CNTN3: variants seen among roughly 807,000 people sequenced by gnomAD.
CNTN3 encodes the protein contactin-3.
In CNTN3, 60 loss-of-function variants were observed where a neutral mutation model predicts 119.1. The ratio of observed to expected loss-of-function variants is 0.50; its 90% CI spans 0.41 to 0.62. The LOEUF is 0.62. CNTN3 is among the 20% of genes least tolerant of loss of function. CNTN3 has a pLI of 0.00. For missense variants in CNTN3, 1,101 were observed against 1,242.4 expected, an observed-to-expected ratio of 0.89 and a Z score of 1.71; for synonymous variants, 450 against 438.7, an observed-to-expected ratio of 1.03 and a Z score of -0.32.
At chr3:74,348,418 C>T (rs1703742413) in intron 11 of CNTN3, among the ~76,000 whole-genome samples, 1 of 152,126 alleles carries the variant, frequency 6.6e-6, no homozygotes, top group African/African-American at 2.4e-5. Flanking sequence ...TCACTGGTCA[C>T]CAGTGGAATG....
intron 4 of CNTN3, among the ~76,000 whole-genome samples, chr3:74,457,458 T>C (rs978183910): frequency 6.6e-6 from 1 of 151,990 alleles, no homozygotes; most frequent in African/African-American, 2.4e-5. Context: ...ATCTGTAGAA[T>C]AGATATTATA....
rs140158668 is a variant in CNTN3 at position 74,518,225 on chromosome 3, T to G, written c.55+2833A>C. 1.3e-4 allele frequency among the ~76,000 whole-genome samples: 20 copies of G among 152,104 alleles called. No individual in the cohort carries two copies. In the East Asian group the frequency reaches 3.7e-3, roughly 28 times the overall value. On this transcript the variant is annotated intron_variant, in intron 2 of 22. Coordinates refer to ENST00000263665, the MANE Select transcript of CNTN3 (RefSeq NM_020872.3). ...GCGGAGTAATCAATGATCAAGGTTATAAGAACAAAATACACCAACAGTGTC... is the reference window on the plus strand; with the variant it reads ...GCGGAGTAATCAATGATCAAGGTTAGAAGAACAAAATACACCAACAGTGTC...
chr3:74,381,549 G>A (rs1265321541), intron 5 of CNTN3, among the ~76,000 whole-genome samples: 1 of 152,064 alleles, frequency 6.6e-6, no homozygotes, highest in Admixed American at 6.6e-5. Context: ...TAGTTTTATA[G>A]GCTTTGAGAA....
intron 5 of CNTN3, among the ~76,000 whole-genome samples, chr3:74,423,483 G>T (rs1449121656): frequency 6.6e-6 from 1 of 152,152 alleles, no homozygotes; most frequent in Non-Finnish European, 1.5e-5. Context: ...AGTGAGAGCT[G>T]GAGGCCATCC....
intron 4 of CNTN3, among the ~76,000 whole-genome samples, chr3:74,465,583 T>C (rs1309544487): frequency 6.6e-6 from 1 of 152,212 alleles, no homozygotes; most frequent in Non-Finnish European, 1.5e-5. Context: ...TTCTTATATC[T>C]ATCCAGAAGT....
At chr3:74,327,681 T>C (rs1703164949) in intron 13 of CNTN3, among the ~76,000 whole-genome samples, 1 of 152,170 alleles carries the variant, frequency 6.6e-6, no homozygotes, top group Non-Finnish European at 1.5e-5. Context: ...AGTAAAATTA[T>C]CTAGCCCTAA....
At chr3:74,300,839 T>C (rs1349455477) in intron 16 of CNTN3, among the ~76,000 whole-genome samples, 1 of 152,186 alleles carries the variant, frequency 6.6e-6, no homozygotes, top group Non-Finnish European at 1.5e-5. Context: ...CTAGTTTGAG[T>C]TTTAATGCTA....
intron 5 of CNTN3, among the ~76,000 whole-genome samples, chr3:74,413,890 G>C (rs1213687031): frequency 1.3e-5 from 2 of 152,170 alleles, no homozygotes; most frequent in Non-Finnish European, 2.9e-5. Flanking sequence ...AGACCAATCT[G>C]GGTTTTCCTT....
chr3:74,299,193 G>A (rs7624061), intron 17 of CNTN3, among the ~76,000 whole-genome samples: 8,342 of 151,918 alleles, frequency 0.055, 719 homozygotes, highest in African/African-American at 0.17. Context: ...GGGCAACAGA[G>A]CAAGACTGTC....
At chr3:74,403,686 A>G (rs1705253592) in intron 5 of CNTN3, among the ~76,000 whole-genome samples, 1 of 152,180 alleles carries the variant, frequency 6.6e-6, no homozygotes, top group South Asian at 2.1e-4. Flanking sequence ...TTATTAAAAT[A>G]TTATAAGAAA....
At chr3:74,391,511 A>G (rs902215254) in intron 5 of CNTN3, among the ~76,000 whole-genome samples, 3 of 151,414 alleles carry the variant, frequency 2.0e-5, no homozygotes, top group African/African-American at 7.3e-5. Flanking sequence ...ATGAAATTAA[A>G]TGCTCAATAA....
chr3:74,330,777 C>T (rs981805256), intron 13 of CNTN3, among the ~76,000 whole-genome samples: 3 of 151,946 alleles, frequency 2.0e-5, no homozygotes, highest in African/African-American at 7.3e-5. Context: ...ATTGACGATC[C>T]TGACCCTGCG....
chr3:74,607,932 A>G (rs995848628), intron 1 of CNTN3, among the ~76,000 whole-genome samples: 3 of 152,140 alleles, frequency 2.0e-5, no homozygotes, highest in African/African-American at 7.2e-5. Flanking sequence ...AATGATGACA[A>G]CTGAATAAGG....
intron 20 of CNTN3, among the ~76,000 whole-genome samples, chr3:74,280,182 G>A (rs1162831282): frequency 6.6e-6 from 1 of 151,588 alleles, no homozygotes; most frequent in East Asian, 1.9e-4. Flanking sequence ...AAAAAAAGTT[G>A]AATTAAAAAA....
intron 1 of CNTN3, among the ~76,000 whole-genome samples, chr3:74,601,631 C>T (rs751958671): frequency 2.6e-5 from 4 of 152,084 alleles, no homozygotes; most frequent in Non-Finnish European, 4.4e-5. Context: ...TGACAGATTG[C>T]ATTATTGGCC....
intron 13 of CNTN3, among the ~76,000 whole-genome samples, chr3:74,331,641 C>T (rs1201654422): frequency 6.6e-6 from 1 of 152,172 alleles, no homozygotes. Context: ...TGAACCACAT[C>T]GTGCCTATGA....
chr3:74,294,707 G>T (rs1281206554), intron 19 of CNTN3, among the ~76,000 whole-genome samples: 5 of 152,058 alleles, frequency 3.3e-5, no homozygotes, highest in Middle Eastern at 6.8e-3. Context: ...CTTACAGACA[G>T]CTGGCTTCTC....
At chr3:74,523,168 C>T (rs1251244322) in intron 1 of CNTN3, among the ~76,000 whole-genome samples, 2 of 151,690 alleles carry the variant, frequency 1.3e-5, no homozygotes, top group Non-Finnish European at 2.9e-5. Flanking sequence ...TAAATGATAA[C>T]TGAAATCATT....
At chr3:74,483,391 A>G (rs55676138) in intron 4 of CNTN3, among the ~76,000 whole-genome samples, 73,645 of 151,940 alleles carry the variant, frequency 0.48, 20,532 homozygotes, top group Non-Finnish European at 0.63. Context: ...AATAATTTCT[A>G]TTGGGAGAGG....
Sources: gnomAD v4.1 joint callset for allele counts (sites outside exome capture counted in the v4.1 genomes callset) on GRCh38, gnomAD v4.1.1 for gene constraint, MANE v1.5 for transcripts, NCBI Gene and HGNC (gene_info 2026-07-23, HGNC 2026-07-21) for gene names.